Variants in IFT22 observed in about 807,000 individuals in gnomAD.
IFT22 encodes the protein intraflagellar transport protein 22 homolog.
IFT22 carries 13 observed loss-of-function variants against 21.0 expected under a neutral mutation model. The ratio of observed to expected loss-of-function variants is 0.62; its 90% CI spans 0.40 to 0.98. The LOEUF is 0.98. IFT22 is among the 50% of genes least tolerant of loss of function. IFT22 has a pLI of 0.00. For missense variants in IFT22, 227 were observed against 228.9 expected, an observed-to-expected ratio of 0.99 and a Z score of 0.06; for synonymous variants, 67 against 82.4, an observed-to-expected ratio of 0.81 and a Z score of 1.01.
At chr7:101,315,526 C>T in intron 4 of IFT22, 3 of 513,238 alleles carry the variant, frequency 5.8e-6, no homozygotes, top group Non-Finnish European at 1.0e-5. Context: ...CTATTATTCT[C>T]ATTTTGTTTC....
intron 3 of IFT22, among the ~76,000 whole-genome samples, chr7:101,317,401 A>G (rs980399601): frequency 2.6e-5 from 4 of 151,302 alleles, no homozygotes; most frequent in Middle Eastern, 3.2e-3. Context: ...TCCCAAAGCA[A>G]TGGATTACAG....
At chr7:101,316,992 T>C (rs1243519990) in intron 3 of IFT22, among the ~76,000 whole-genome samples, 1 of 151,798 alleles carries the variant, frequency 6.6e-6, no homozygotes, top group African/African-American at 2.4e-5. Context: ...AGGGTCTTGC[T>C]CTGTCTCCCA....
Position 101,310,989 on chromosome 7 carries a change from ATT to A in IFT22, c.*4143_*4144del, listed in dbSNP as rs934461106. 9,862 of 234,238 alleles carry A rather than the reference ATT, an allele frequency of 0.042. No individual in the cohort carries two copies. The highest frequency in any genetic ancestry group is 0.075 in the South Asian group (1,894 of 25,190). 14.5% of individuals were successfully genotyped at this position (234,238 alleles called of 1,614,324 possible). ...CAGGTGAACAAAATCTGCTGGGTTA[ATT>A]TTTTTTTTTTTTTTTTTTTTGAGAT... On this transcript the variant is annotated 3_prime_UTR_variant, in exon 5 of 5. Transcript: ENST00000315322.
Position 101,318,192 on chromosome 7 carries a change from C to T in IFT22, c.138G>A (p.Pro46=), listed in dbSNP as rs556970587. The T allele has an allele frequency of 3.5e-5, 56 of 1,612,214 alleles. No homozygotes were observed. Among genetic ancestry groups the T allele is most frequent in the East Asian group, 1.3e-4 (6 of 44,730 alleles). The part of the protein sequence containing the change: ...QGVRILEFEN[P]HVTSNNKGTG... ...TGCCTTTGTTGTTGCTGGTAACATGCGGGTTCTCAAATTCTAGGATCCTAA... is the reference window on the plus strand; with the variant it reads ...TGCCTTTGTTGTTGCTGGTAACATGTGGGTTCTCAAATTCTAGGATCCTAA... Residue 46 remains proline, a synonymous_variant, in exon 3 of 5, where the codon CCG becomes CCA. Coordinates refer to ENST00000315322, the MANE Select transcript of IFT22 (RefSeq NM_022777.4).
chr7:101,315,416 CAG>C (rs1790116363), intron 4 of IFT22, 134 bp from the exon 5 acceptor site: 2 of 957,714 alleles, frequency 2.1e-6, no homozygotes, highest in Non-Finnish European at 3.2e-6. Context: ...CACCAGAGAA[CAG>C]AGAATGGGTT....
At chr7:101,318,822 G>C in intron 2 of IFT22, 134 bp downstream of exon 2, 1 of 653,708 alleles carries the variant, frequency 1.5e-6, no homozygotes, top group Non-Finnish European at 2.8e-6. Context: ...TTTTAGTTGA[G>C]ACGGGGTCTC....
Position 101,315,028 on chromosome 7 carries a change from G to T in IFT22, c.*106C>A, listed in dbSNP as rs893935992. ...TCCTGCAGGTAGGAACACTTCCTCT[G>T]CAGTCAGAGGGAGAAGAAAACATCA... On this transcript the variant is annotated 3_prime_UTR_variant, in exon 5 of 5. Coordinates refer to ENST00000315322, the MANE Select transcript of IFT22 (RefSeq NM_022777.4). The T allele has an allele frequency of 2.4e-6, 3 of 1,269,400 alleles. No homozygotes were observed. The highest frequency in any genetic ancestry group is 1.5e-5 in the African/African-American group (1 of 67,408). The allele number at this position is 1,269,400 out of a possible 1,614,324, so 78.6% of individuals were successfully genotyped here.
chr7:101,317,763 C>A (rs781351719), intron 3 of IFT22, among the ~76,000 whole-genome samples: 7 of 152,000 alleles, frequency 4.6e-5, no homozygotes, highest in Admixed American at 1.3e-4. Context: ...GTCGCCCAGG[C>A]TGGAGTACAA....
At position 101,318,111 on chromosome 7, in the gene IFT22, A is replaced by G. The variant is rs1203388381; in HGVS notation, c.206+13T>C. On this transcript the variant is annotated intron_variant, in intron 3 of 4. Transcript: ENST00000315322. ...ACCATTTGATGAAGTGACTTTCTTTAAAGGAAACATACTTAGCATCGCCAC... is the reference window on the plus strand; with the variant it reads ...ACCATTTGATGAAGTGACTTTCTTTGAAGGAAACATACTTAGCATCGCCAC... The G allele has an allele frequency of 1.4e-5, 23 of 1,608,312 alleles. No homozygotes were observed. Among genetic ancestry groups the G allele is most frequent in the Non-Finnish European group, 1.9e-5 (22 of 1,175,182 alleles).
rs1035237287 is a variant in IFT22, at chr7:101,316,547, G to A, written c.207-5C>T. 10 of 1,613,540 alleles carry A rather than the reference G, an allele frequency of 6.2e-6. No homozygotes were observed. Among genetic ancestry groups the A allele is most frequent in the African/African-American group, 1.3e-5 (1 of 74,908 alleles). On this transcript the variant is annotated splice_polypyrimidine_tract_variant and splice_region_variant and intron_variant, in intron 3 of 4. Coordinates refer to ENST00000315322, the MANE Select transcript of IFT22 (RefSeq NM_022777.4). The stretch of plus-strand genomic sequence containing the variant: ...GCCGGCCAGCAGGACTCAAACCTGC[G>A]AGGAAGAAAAGGAACAACAGGGAAA...
chr7:101,315,030 A>G lies in IFT22; in HGVS notation c.*104T>C, dbSNP rs1437213419. The G allele has an allele frequency of 8.0e-7, 1 of 1,250,928 alleles. No individual in the cohort carries two copies. Among genetic ancestry groups the G allele is most frequent in the East Asian group, 2.3e-5 (1 of 42,750 alleles). The allele number at this position is 1,250,928 out of a possible 1,614,324, so 77.5% of individuals were successfully genotyped here. On this transcript the variant is annotated 3_prime_UTR_variant, in exon 5 of 5. Transcript: ENST00000315322. ...CTGCAGGTAGGAACACTTCCTCTGC[A>G]GTCAGAGGGAGAAGAAAACATCAGG...
rs1157369324 is a variant in IFT22 at position 101,312,529 on chromosome 7, A to AT, written c.*2604_*2605insA. 7.3e-5 allele frequency among the ~76,000 whole-genome samples: 9 copies of AT among 122,872 alleles called. No homozygotes were observed. Among genetic ancestry groups the AT allele is most frequent in the South Asian group, 2.7e-4 (1 of 3,690 alleles). 80.6% of individuals were successfully genotyped at this position (122,872 alleles called of 152,430 possible). On this transcript the variant is annotated 3_prime_UTR_variant, in exon 5 of 5. Coordinates refer to ENST00000315322, the MANE Select transcript of IFT22 (RefSeq NM_022777.4). ...TAAATAAATATAATGTTTTGGAGAG[A>AT]GTTGTTTTTTTTTTTTTTTTTTTTG...
intron 3 of IFT22, among the ~76,000 whole-genome samples, chr7:101,317,898 C>A (rs1014554983): frequency 2.6e-5 from 4 of 152,146 alleles, no homozygotes; most frequent in South Asian, 4.1e-4. Flanking sequence ...AGCCTCCCAA[C>A]TGGGATTACA....
intron 1 of IFT22, among the ~76,000 whole-genome samples, chr7:101,320,111 CA>C (rs1790288978): frequency 1.3e-5 from 2 of 151,980 alleles, no homozygotes; most frequent in East Asian, 1.9e-4. Context: ...CATGCACCAC[CA>C]AGCCCAGCGA....
At position 101,312,949 on chromosome 7, in the gene IFT22, T is replaced by G. The variant is rs993943673; in HGVS notation, c.*2185A>C. ...CCCAGGTTCAAGCGATTCTCCTGCC[T>G]CAGCTTCCCAGGTAGCTGGGATTAC... is the stretch of plus-strand genomic sequence containing the variant. On this transcript the variant is annotated 3_prime_UTR_variant, in exon 5 of 5. Transcript: ENST00000315322. 3.3e-5 allele frequency among the ~76,000 whole-genome samples: 5 copies of G among 152,072 alleles called. No individual in the cohort carries two copies. Among genetic ancestry groups the G allele is most frequent in the Non-Finnish European group, 5.9e-5 (4 of 68,024 alleles).
chr7:101,320,765 G>C (rs554175798), intron 1 of IFT22, among the ~76,000 whole-genome samples: 18 of 152,220 alleles, frequency 1.2e-4, no homozygotes, highest in Admixed American at 9.8e-4. Context: ...AACTTTGAGA[G>C]ACTGAGGCGG....
chr7:101,312,802 T>C lies in IFT22; in HGVS notation c.*2332A>G, dbSNP rs1475988876. 6.6e-6 allele frequency among the ~76,000 whole-genome samples: 1 copy of C among 151,654 alleles called. No homozygotes were observed. Among genetic ancestry groups the C allele is most frequent in the Non-Finnish European group, 1.5e-5 (1 of 67,930 alleles). The stretch of plus-strand genomic sequence containing the variant: ...TACCTGCCTTGGCCTCCCAAAGTGC[T>C]GGGATTACAGGTGTGAGCCACTCCA... On this transcript the variant is annotated 3_prime_UTR_variant, in exon 5 of 5. Coordinates refer to ENST00000315322, the MANE Select transcript of IFT22 (RefSeq NM_022777.4).
chr7:101,318,446 G>T (rs1199148399), intron 2 of IFT22: 2 of 376,706 alleles, frequency 5.3e-6, no homozygotes, highest in South Asian at 2.7e-5. Context: ...CTTGAACCTG[G>T]GAGGCGGAGA....
intron 2 of IFT22, 101 bp from the exon 3 acceptor site, chr7:101,318,314 G>C: frequency 1.3e-6 from 1 of 756,660 alleles, no homozygotes; most frequent in South Asian, 1.4e-5. Flanking sequence ...GAGGTCAGGA[G>C]TTCGAGACCA....
Sources: allele counts gnomAD v4.1 joint callset (sites outside exome capture counted in the v4.1 genomes callset), GRCh38; gene constraint gnomAD v4.1.1; transcripts MANE v1.5; gene names NCBI Gene and HGNC (gene_info 2026-07-23, HGNC 2026-07-21).